KCNQ5: variants seen among roughly 807,000 people sequenced by gnomAD.
The protein encoded by KCNQ5 is potassium voltage-gated channel subfamily KQT member 5.
KCNQ5 carries 30 observed loss-of-function variants against 98.2 expected under a neutral mutation model. The ratio of observed to expected loss-of-function variants is 0.31; its 90% CI spans 0.23 to 0.41. KCNQ5 has a LOEUF of 0.41. Among genes scored for constraint, KCNQ5 ranks in the 10% least tolerant of loss-of-function variants. The probability of loss-of-function intolerance (pLI) is 1.00; values close to 1 mark genes in which losing one functional copy is unlikely to be tolerated. For synonymous variants in KCNQ5, 458 were observed against 449.4 expected, an observed-to-expected ratio of 1.02 and a Z score of -0.24; for missense variants, 835 against 1,182.5, an observed-to-expected ratio of 0.71 and a Z score of 4.31.
At chr6:73,138,483 C>G (rs1265798344) in intron 10 of KCNQ5, among the ~76,000 whole-genome samples, 2 of 152,182 alleles carry the variant, frequency 1.3e-5, no homozygotes, top group Non-Finnish European at 2.9e-5. Flanking sequence ...TTAGGGAGCT[C>G]CACCTTACAG....
intron 1 of KCNQ5, among the ~76,000 whole-genome samples, chr6:72,983,071 T>C (rs1768551212): frequency 6.6e-6 from 1 of 152,244 alleles, no homozygotes; most frequent in South Asian, 2.1e-4. Context: ...CCTTTGTGGG[T>C]AACCCGACCT....
chr6:73,188,592 T>A (rs12662803), intron 11 of KCNQ5, among the ~76,000 whole-genome samples: 4,664 of 152,324 alleles, frequency 0.031, 88 homozygotes, highest in East Asian at 0.068. Context: ...ACAAATATTT[T>A]TTACTGTGTC....
At chr6:72,910,301 C>A (rs191831647) in intron 1 of KCNQ5, among the ~76,000 whole-genome samples, 158 of 152,222 alleles carry the variant, frequency 1.0e-3, no homozygotes, top group African/African-American at 3.6e-3. Context: ...ATTCTTTTAA[C>A]CTTCTCATCT....
chr6:72,767,967 T>A (rs1772665099), intron 1 of KCNQ5, among the ~76,000 whole-genome samples: 1 of 152,042 alleles, frequency 6.6e-6, no homozygotes, highest in Non-Finnish European at 1.5e-5. Context: ...TGTTACCATA[T>A]GACCCAGCAA....
chr6:72,701,778 G>C (rs964247737), intron 1 of KCNQ5, among the ~76,000 whole-genome samples: 1 of 151,994 alleles, frequency 6.6e-6, no homozygotes, highest in Non-Finnish European at 1.5e-5. Flanking sequence ...GCAATGGTGC[G>C]ATCTCAGCTC....
intron 10 of KCNQ5, among the ~76,000 whole-genome samples, chr6:73,158,622 A>G (rs1049227867): frequency 3.9e-5 from 6 of 152,088 alleles, no homozygotes; most frequent in African/African-American, 1.4e-4. Context: ...TCATATCAAA[A>G]AGTATACATT....
At chr6:72,763,950 A>C (rs921823727) in intron 1 of KCNQ5, among the ~76,000 whole-genome samples, 2 of 152,006 alleles carry the variant, frequency 1.3e-5, no homozygotes, top group African/African-American at 4.8e-5. Flanking sequence ...TAGAACACTA[A>C]TGAAAACAAC....
At chr6:72,855,329 T>A (rs144211695) in intron 1 of KCNQ5, among the ~76,000 whole-genome samples, 3 of 152,112 alleles carry the variant, frequency 2.0e-5, no homozygotes, top group African/African-American at 7.2e-5. Flanking sequence ...CATCATCTAG[T>A]TACACTAAAT....
At chr6:73,136,603 T>C (rs1398778833) in intron 10 of KCNQ5, 1 of 152,208 alleles carries the variant, frequency 6.6e-6, no homozygotes, top group East Asian at 1.9e-4. Context: ...CAATTGCTGT[T>C]CTGTTGAAAT....
At chr6:72,876,263 C>T (rs1778406437) in intron 1 of KCNQ5, among the ~76,000 whole-genome samples, 1 of 151,894 alleles carries the variant, frequency 6.6e-6, no homozygotes, top group East Asian at 1.9e-4. Flanking sequence ...AATTAATATT[C>T]CATTGGTTTA....
intron 4 of KCNQ5, 55 bp downstream of exon 4, chr6:73,077,552 C>T (rs1262009297): frequency 1.1e-5 from 16 of 1,522,126 alleles, no homozygotes; most frequent in South Asian, 9.8e-5. Context: ...TTTCATTGAT[C>T]GCTGTAATAG....
intron 1 of KCNQ5, among the ~76,000 whole-genome samples, chr6:72,983,392 ACTTCT>A (rs2150300853): frequency 6.6e-6 from 1 of 151,692 alleles, no homozygotes; most frequent in African/African-American, 2.4e-5. Flanking sequence ...TTTTCTCTAA[ACTTCT>A]CTTCTCACTT....
At chr6:72,728,992 T>C (rs1770420474) in intron 1 of KCNQ5, among the ~76,000 whole-genome samples, 1 of 152,146 alleles carries the variant, frequency 6.6e-6, no homozygotes, top group Non-Finnish European at 1.5e-5. Flanking sequence ...TTTTCTTATC[T>C]TTTTTTACAC....
chr6:73,076,729 G>T (rs1773559941), intron 3 of KCNQ5, among the ~76,000 whole-genome samples: 1 of 152,202 alleles, frequency 6.6e-6, no homozygotes, highest in Non-Finnish European at 1.5e-5. Flanking sequence ...GAAGCATAGA[G>T]TATTCAGCTT....
chr6:72,632,126 C>T (rs1230021419), intron 1 of KCNQ5, among the ~76,000 whole-genome samples: 1 of 115,364 alleles, frequency 8.7e-6, no homozygotes. Context: ...TAGATTTTTT[C>T]TTTCTTTCTT....
chr6:73,034,890 A>G (rs567536939), intron 2 of KCNQ5, among the ~76,000 whole-genome samples: 30 of 142,368 alleles, frequency 2.1e-4, no homozygotes, highest in South Asian at 6.7e-4. Context: ...CTGTTGCCCA[A>G]GCTGGAGTGC....
chr6:72,632,157 A>G (rs1582009670), intron 1 of KCNQ5, among the ~76,000 whole-genome samples: 1 of 51,172 alleles, frequency 2.0e-5, no homozygotes. Context: ...TTTTTTTTTG[A>G]GACGGAGTCT....
intron 10 of KCNQ5, among the ~76,000 whole-genome samples, chr6:73,156,738 G>T (rs890173074): frequency 6.6e-6 from 1 of 152,184 alleles, no homozygotes; most frequent in African/African-American, 2.4e-5. Flanking sequence ...TAAATATTTT[G>T]TTACAGAGTA....
chr6:72,630,617 A>G (rs2098920298), intron 1 of KCNQ5: 1 of 151,752 alleles, frequency 6.6e-6, no homozygotes, highest in Non-Finnish European at 1.5e-5. Context: ...TCTATAAAAT[A>G]TCAGTACCAG....
Sources: allele counts gnomAD v4.1 joint callset (sites outside exome capture counted in the v4.1 genomes callset), GRCh38; gene constraint gnomAD v4.1.1; transcripts MANE v1.5; gene names NCBI Gene and HGNC (gene_info 2026-07-23, HGNC 2026-07-21).